KCNIP1: variants seen among roughly 807,000 people sequenced by gnomAD.
KCNIP1 encodes the protein potassium voltage-gated channel interacting protein 1.
KCNIP1 carries 18 observed loss-of-function variants against 33.0 expected under a neutral mutation model. The ratio of observed to expected loss-of-function variants is 0.55; its 90% CI spans 0.38 to 0.81. KCNIP1 has a LOEUF of 0.81. Ranked by LOEUF, KCNIP1 falls within the 30% of genes least tolerant of loss-of-function variation. The probability of loss-of-function intolerance (pLI) is 0.00; values close to 1 mark genes in which losing one functional copy is unlikely to be tolerated. For synonymous variants in KCNIP1, 93 were observed against 98.3 expected, an observed-to-expected ratio of 0.95 and a Z score of 0.32; for missense variants, 238 against 271.6, an observed-to-expected ratio of 0.88 and a Z score of 0.87.
chr5:170,506,331 C>T (rs1047730873), intron 1 of KCNIP1, among the ~76,000 whole-genome samples: 4 of 152,174 alleles, frequency 2.6e-5, no homozygotes, highest in Admixed American at 6.5e-5. Context: ...TGCTACTTCC[C>T]GGAGGGAAGG....
At chr5:170,386,166 TG>T (rs1373368638) in intron 1 of KCNIP1, among the ~76,000 whole-genome samples, 1 of 150,688 alleles carries the variant, frequency 6.6e-6, no homozygotes, top group South Asian at 2.1e-4. Flanking sequence ...GCTCTTGAAA[TG>T]GGGAGACAAT....
chr5:170,724,354 C>T (rs987837169), intron 5 of KCNIP1, among the ~76,000 whole-genome samples: 2 of 152,092 alleles, frequency 1.3e-5, no homozygotes, highest in African/African-American at 2.4e-5. Context: ...CAGTCTCCCT[C>T]GTGAGCACAG....
chr5:170,390,517 A>AAAAAAAAAAAAT, intron 1 of KCNIP1, among the ~76,000 whole-genome samples: 1 of 74,540 alleles, frequency 1.3e-5, no homozygotes, highest in Non-Finnish European at 2.5e-5. Flanking sequence ...AAAAAAAACA[A>AAAAAAAAAAAAT]ATATATATAT....
rs546419248 is a variant in KCNIP1, at chr5:170,513,988, T to C, written c.61+9355T>C. Among the ~76,000 whole-genome samples the C allele has an allele frequency of 3.9e-5, 6 of 152,152 alleles. No individual in the cohort carries two copies. The South Asian group carries it at 6.2e-4, about 16-fold the overall frequency. ...AGTAGGAAACGTAGATGCAGGGAGG[T>C]TCTTGATTGGCTAGTGATTAGTAAG... On this transcript the variant is annotated intron_variant, in intron 1 of 7. Coordinates refer to ENST00000328939, the MANE Select transcript of KCNIP1 (RefSeq NM_014592.4).
chr5:170,563,640 T>TGTTTG (rs56899448), intron 1 of KCNIP1, among the ~76,000 whole-genome samples: 70 of 139,386 alleles, frequency 5.0e-4, no homozygotes, highest in African/African-American at 1.5e-3. Context: ...TTGTTTTTTT[T>TGTTTG]TTTGTTTGTT....
In KCNIP1 at chr5:170,722,695, G is replaced by T; in HGVS notation, c.328-18G>T. On this transcript the variant is annotated intron_variant, in intron 4 of 7. Coordinates refer to ENST00000328939, the MANE Select transcript of KCNIP1 (RefSeq NM_014592.4). ...ATGGCTTGATGGTTAATGTCACTCT[G>T]CCTTTTCCCCTTCTCAGGACTTTGT... 6.5e-7 allele frequency: 1 copy of T among 1,547,068 alleles called. No homozygotes were observed. The highest frequency in any genetic ancestry group is 8.9e-7 in the Non-Finnish European group (1 of 1,119,202).
chr5:170,577,646 G>A (rs1309240642), intron 1 of KCNIP1, among the ~76,000 whole-genome samples: 6 of 152,204 alleles, frequency 3.9e-5, no homozygotes, highest in Admixed American at 6.5e-5. Flanking sequence ...AAGTAATTCT[G>A]TTAATGAATT....
intron 1 of KCNIP1, among the ~76,000 whole-genome samples, chr5:170,490,007 A>G (rs1285911059): frequency 2.6e-5 from 4 of 152,224 alleles, no homozygotes; most frequent in Admixed American, 2.6e-4. Context: ...CCAGTCTCCC[A>G]GCACACTCAT....
chr5:170,527,217 A>G (rs2113331214), intron 1 of KCNIP1, among the ~76,000 whole-genome samples: 1 of 152,282 alleles, frequency 6.6e-6, no homozygotes, highest in African/African-American at 2.4e-5. Context: ...CAAGCCTTAT[A>G]GAGCTTCCAG....
chr5:170,641,063 C>G (rs1488696902), intron 1 of KCNIP1, among the ~76,000 whole-genome samples: 1 of 152,058 alleles, frequency 6.6e-6, no homozygotes, highest in Non-Finnish European at 1.5e-5. Context: ...GTTCCCTTCC[C>G]CAAGGAAAAG....
At chr5:170,572,557 C>T (rs1757460167) in intron 1 of KCNIP1, among the ~76,000 whole-genome samples, 1 of 152,238 alleles carries the variant, frequency 6.6e-6, no homozygotes, top group South Asian at 2.1e-4. Context: ...GCAGAAATCA[C>T]TCGCACATTG....
intron 1 of KCNIP1, among the ~76,000 whole-genome samples, chr5:170,631,867 T>C (rs1644019409): frequency 6.6e-6 from 1 of 152,232 alleles, no homozygotes; most frequent in Admixed American, 6.5e-5. Context: ...CCAGATGGTA[T>C]GTGCACTGGC....
intron 1 of KCNIP1, among the ~76,000 whole-genome samples, chr5:170,546,295 T>C (rs1756405816): frequency 6.6e-6 from 1 of 152,242 alleles, no homozygotes; most frequent in South Asian, 2.1e-4. Flanking sequence ...TCTCATGGAA[T>C]GTTGTCTCCT....
Position 170,488,523 on chromosome 5 carries a change from C to T in KCNIP1, c.88+134559C>T, listed in dbSNP as rs371509922. Among the ~76,000 whole-genome samples, 52 of 152,328 alleles carry T rather than the reference C, an allele frequency of 3.4e-4. 2 individuals are homozygous for T. In the East Asian group the frequency reaches 4.6e-3, roughly 14 times the overall value. On this transcript the variant is annotated intron_variant, in intron 1 of 7. Transcript: ENST00000377360. ...AAGCATCAGAGGAGGAGGATAGACA[C>T]ATAATTACATATTCATTTGTTCATC...
chr5:170,423,737 C>G (rs554512676), intron 1 of KCNIP1, among the ~76,000 whole-genome samples: 17 of 152,132 alleles, frequency 1.1e-4, no homozygotes, highest in Non-Finnish European at 2.4e-4. Context: ...CTGTTAGATG[C>G]GGGGGTGCGT....
At chr5:170,632,158 T>C (rs1760073188) in intron 1 of KCNIP1, among the ~76,000 whole-genome samples, 1 of 152,166 alleles carries the variant, frequency 6.6e-6, no homozygotes, top group South Asian at 2.1e-4. Flanking sequence ...AACACGCATC[T>C]GAATCAAGGC....
chr5:170,396,088 A>T (rs1030555108), intron 1 of KCNIP1, among the ~76,000 whole-genome samples: 2 of 152,154 alleles, frequency 1.3e-5, no homozygotes, highest in Non-Finnish European at 2.9e-5. Flanking sequence ...CTTTTTGGAG[A>T]GCTGTTTTGC....
At chr5:170,511,151 G>A (rs1754918475) in intron 1 of KCNIP1, among the ~76,000 whole-genome samples, 1 of 152,244 alleles carries the variant, frequency 6.6e-6, no homozygotes, top group African/African-American at 2.4e-5. Context: ...GGAGGTTGCA[G>A]TGAGCCAAGA....
In KCNIP1 at chr5:170,735,910, A is replaced by G. The variant is rs1581563600; in HGVS notation, c.*104A>G. On this transcript the variant is annotated 3_prime_UTR_variant, in exon 8 of 8. Coordinates refer to ENST00000328939, the MANE Select transcript of KCNIP1 (RefSeq NM_014592.4). ...GATTTTACACACCAACTCTTGGGAC[A>G]GAAACACCTTTTACACTTTGGAAGA... 1 of 992,190 alleles carries G rather than the reference A, an allele frequency of 1.0e-6. No individual in the cohort carries two copies. The highest frequency in any genetic ancestry group is 2.4e-5 in the East Asian group (1 of 41,670). 61.5% of individuals were successfully genotyped at this position (992,190 alleles called of 1,614,324 possible). A position where few individuals can be genotyped will look rare whatever the true frequency, so the allele number is the denominator to read the frequency against.
Sources: allele counts gnomAD v4.1 joint callset (sites outside exome capture counted in the v4.1 genomes callset), GRCh38; gene constraint gnomAD v4.1.1; transcripts MANE v1.5; gene names NCBI Gene and HGNC (gene_info 2026-07-23, HGNC 2026-07-21).